AMER2: variants seen among roughly 807,000 people sequenced by gnomAD.
The protein encoded by AMER2 is family with sequence similarity 123A.
AMER2 carries 1 observed loss-of-function variant against 4.7 expected under a neutral mutation model. The observed-to-expected ratio is 0.21, with a 90% CI of 0.07 to 1.00. The LOEUF (loss-of-function observed/expected upper bound fraction) is 1.00. Ranked by LOEUF, AMER2 falls within the 50% of genes least tolerant of loss-of-function variation. The pLI, the probability that AMER2 is intolerant of heterozygous loss-of-function variation, is 0.60. For synonymous variants in AMER2, 485 were observed against 433.3 expected (o/e 1.12, Z -1.48); for missense variants, 988 against 966.9 (o/e 1.02, Z -0.29).
Position 25,170,784 on chromosome 13 carries a change from C to A in AMER2, c.836G>T (p.Arg279Leu), listed in dbSNP as rs1398815090. 2.9e-6 allele frequency: 4 copies of A among 1,359,270 alleles called. 1 individual carries two copies. The Admixed American group carries it at 1.5e-4, about 50-fold the overall frequency. 84.2% of individuals were successfully genotyped at this position (1,359,270 alleles called of 1,614,324 possible). A position where few individuals can be genotyped will look rare whatever the true frequency, so the allele number is the denominator to read the frequency against. Residue 279 changes from arginine to leucine, a missense_variant, in exon 1 of 1, where the codon CGG becomes CTG. Arg to Leu is a moderately radical substitution (Grantham distance 102). Transcript: ENST00000515384. This position sits in a 1 kb window ranked among gnomAD's most constrained non-coding sequence, Gnocchi z 7.3. ...VPAPADRAPA[R>L]SCREAEGLAH... The stretch of plus-strand genomic sequence containing the variant: ...GAGGCCCTCTGCCTCTCGGCAGCTC[C>A]GCGCTGGGGCGCGGTCGGCGGGGGC...
chr13:25,165,865 A>G lies in AMER2; in HGVS notation c.*3739T>C, dbSNP rs535394186. 9 of 152,368 alleles carry G rather than the reference A, an allele frequency of 5.9e-5. No homozygotes were observed. In the East Asian group the frequency reaches 1.2e-3, roughly 20 times the overall value. 9.4% of individuals were successfully genotyped at this position (152,368 alleles called of 1,614,324 possible). The stretch of plus-strand genomic sequence containing the variant: ...ATTCCGCCATGCGGACAGAGCCAAC[A>G]TGCTAGCGTCATGTGAAGTGTCCCG... On this transcript the variant is annotated 3_prime_UTR_variant, in exon 1 of 1. Transcript: ENST00000515384.
Position 25,170,960 on chromosome 13 carries a change from G to T in AMER2, c.660C>A (p.Pro220=). 6.5e-7 allele frequency: 1 copy of T among 1,538,914 alleles called. No individual in the cohort carries two copies. Among genetic ancestry groups the T allele is most frequent in the East Asian group, 2.7e-5 (1 of 37,514 alleles). ...AKAEAAEGRA[P]GGGLILPGSL... ...AGCCGGGTAGGATCAAGCCGCCCCC[G>T]GGCGCGCGCCCCTCCGCGGCCTCCG... The change falls in exon 1 of 1, where the codon CCC becomes CCA. Residue 220 remains proline (P), a synonymous_variant. Transcript: ENST00000515384. The surrounding 1 kb of genome is among the most constrained non-coding windows in gnomAD (Gnocchi z 7.3).
In AMER2 at chr13:25,170,432, A is replaced by G. The variant is rs987320722; in HGVS notation, c.1188T>C (p.Cys396=). 41 of 1,614,132 alleles carry G rather than the reference A, an allele frequency of 2.5e-5. No individual in the cohort carries two copies. Among genetic ancestry groups the G allele is most frequent in the Non-Finnish European group, 3.5e-5 (41 of 1,180,018 alleles). Reference sequence around the variant, plus strand: ...TGCCTGGCCCGGGGACATGCTTGTCACAGCTGGGACCTGCCTCTTCCTCTT... The same window carrying G: ...TGCCTGGCCCGGGGACATGCTTGTCGCAGCTGGGACCTGCCTCTTCCTCTT... ...ADQEEEAGPS[C]DKHVPGPGKP... The change falls in exon 1 of 1, where the codon TGT becomes TGC. Residue 396 remains cysteine, a synonymous_variant. Coordinates refer to ENST00000515384, the MANE Select transcript of AMER2 (RefSeq NM_152704.4). This position sits in a 1 kb window ranked among gnomAD's most constrained non-coding sequence, Gnocchi z 7.3.
In AMER2 at chr13:25,170,160, G is replaced by A; in HGVS notation, c.1460C>T (p.Ser487Leu). The A allele has an allele frequency of 6.2e-7, 1 of 1,613,902 alleles. No homozygotes were observed. Among genetic ancestry groups the A allele is most frequent in the Non-Finnish European group, 8.5e-7 (1 of 1,179,974 alleles). The change falls in exon 1 of 1, where the codon TCG (serine) becomes TTG (leucine). Residue 487 changes from serine (S) to leucine (L), a missense_variant. Coordinates refer to ENST00000515384, the MANE Select transcript of AMER2 (RefSeq NM_152704.4). This position sits in a 1 kb window ranked among gnomAD's most constrained non-coding sequence, Gnocchi z 7.3. Reference sequence around the variant, plus strand: ...CCGGTTGAGCCTCCTGCGCTTGACCGAGGACGCGTCCTTGGCCGCTTCCAC... The same window carrying A: ...CCGGTTGAGCCTCCTGCGCTTGACCAAGGACGCGTCCTTGGCCGCTTCCAC... ...RCVEAAKDAS[S>L]VKRRRLNRIP...
Position 25,169,367 on chromosome 13 carries a change from A to G in AMER2, c.*237T>C. The G allele has an allele frequency of 2.3e-6, 1 of 429,736 alleles. No homozygotes were observed. The highest frequency in any genetic ancestry group is 3.7e-5 in the East Asian group (1 of 27,088). The allele number at this position is 429,736 out of a possible 1,614,324, so 26.6% of individuals were successfully genotyped here. On this transcript the variant is annotated 3_prime_UTR_variant, in exon 1 of 1. Transcript: ENST00000515384. This position sits in a 1 kb window ranked among gnomAD's most constrained non-coding sequence, Gnocchi z 4.2. ...GTAAAAAAGAAAAAAGTGCTTGAAA[A>G]TAATTCTCAGGGACTTATCTTGAGA...
At position 25,167,735 on chromosome 13, in the gene AMER2, C is replaced by T. The variant is rs1435061176; in HGVS notation, c.*1869G>A. The T allele has an allele frequency of 2.0e-5, 3 of 152,190 alleles. No individual in the cohort carries two copies. In the East Asian group the frequency reaches 5.8e-4, roughly 29 times the overall value. The allele number at this position is 152,190 out of a possible 1,614,324, so 9.4% of individuals were successfully genotyped here. A position where few individuals can be genotyped will look rare whatever the true frequency, so the allele number is the denominator to read the frequency against. On this transcript the variant is annotated 3_prime_UTR_variant, in exon 1 of 1. Transcript: ENST00000515384. The stretch of plus-strand genomic sequence containing the variant: ...TTCAGCAAACCTCTCCTAATTGAAT[C>T]ACTGCAAATTTAAAATGGGGAATGG...
rs1956543196 is a variant in AMER2, at chr13:25,170,417, G to A, written c.1203C>T (p.Pro401=). The change falls in exon 1 of 1, where the codon CCC becomes CCT. Residue 401 remains proline, a synonymous_variant. Coordinates refer to ENST00000515384, the MANE Select transcript of AMER2 (RefSeq NM_152704.4). The surrounding 1 kb of genome is among the most constrained non-coding windows in gnomAD (Gnocchi z 7.3). The part of the protein sequence containing the change: ...EAGPSCDKHV[P]GPGKPALSKK... ...TAGACAGAGCCGGCTTGCCTGGCCCGGGGACATGCTTGTCACAGCTGGGAC... is the reference window on the plus strand; with the variant it reads ...TAGACAGAGCCGGCTTGCCTGGCCCAGGGACATGCTTGTCACAGCTGGGAC... 6.2e-7 allele frequency: 1 copy of A among 1,614,060 alleles called. No individual in the cohort carries two copies. The highest frequency in any genetic ancestry group is 8.5e-7 in the Non-Finnish European group (1 of 1,179,994).
In AMER2 at chr13:25,165,225, C is replaced by T. The variant is rs1956462468; in HGVS notation, c.*4379G>A. On this transcript the variant is annotated 3_prime_UTR_variant, in exon 1 of 1. Coordinates refer to ENST00000515384, the MANE Select transcript of AMER2 (RefSeq NM_152704.4). ...GGCTATTGTTGCAACAATCTGTCTC[C>T]TTAAACCTTATCACAGTGCAAGGCT... is the stretch of plus-strand genomic sequence containing the variant. The T allele has an allele frequency of 1.3e-5, 2 of 152,280 alleles. No individual in the cohort carries two copies. Among genetic ancestry groups the T allele is most frequent in the South Asian group, 4.1e-4 (2 of 4,828 alleles). 9.4% of individuals were successfully genotyped at this position (152,280 alleles called of 1,614,324 possible).
rs1231603152 is a variant in AMER2 at position 25,163,117 on chromosome 13, T to A, written c.*6487A>T. 6.6e-6 allele frequency: 1 copy of A among 152,188 alleles called. No individual in the cohort carries two copies. Among genetic ancestry groups the A allele is most frequent in the Non-Finnish European group, 1.5e-5 (1 of 68,022 alleles). The allele number at this position is 152,188 out of a possible 1,614,324, so 9.4% of individuals were successfully genotyped here. A position where few individuals can be genotyped will look rare whatever the true frequency, so the allele number is the denominator to read the frequency against. On this transcript the variant is annotated 3_prime_UTR_variant, in exon 1 of 1. Coordinates refer to ENST00000515384, the MANE Select transcript of AMER2 (RefSeq NM_152704.4). Reference sequence around the variant, plus strand: ...CTTATTTCTGAAGTTCAGAATTGCATGGAGGCAAGGGACAACTCATACAGC... The same window carrying A: ...CTTATTTCTGAAGTTCAGAATTGCAAGGAGGCAAGGGACAACTCATACAGC...
In AMER2 at chr13:25,171,622, A is replaced by G; in HGVS notation, c.-3T>C. 1.4e-6 allele frequency: 2 copies of G among 1,479,568 alleles called. No homozygotes were observed. Among genetic ancestry groups the G allele is most frequent in the Non-Finnish European group, 1.8e-6 (2 of 1,128,920 alleles). The allele number at this position is 1,479,568 out of a possible 1,614,324, so 91.7% of individuals were successfully genotyped here. On this transcript the variant is annotated 5_prime_UTR_variant, in exon 1 of 1. Coordinates refer to ENST00000515384, the MANE Select transcript of AMER2 (RefSeq NM_152704.4). The surrounding 1 kb of genome is among the most constrained non-coding windows in gnomAD (Gnocchi z 5.9). ...CCGCGGCTCCGGCTCGTCTCCATGG[A>G]AACCGCGCGGGATAAGCCGCTTTCG... is the stretch of plus-strand genomic sequence containing the variant.
At position 25,172,133 on chromosome 13, in the gene AMER2, C is replaced by G. The variant is rs1383970959; in HGVS notation, c.-514G>C. On this transcript the variant is annotated 5_prime_UTR_variant, in exon 1 of 1. Coordinates refer to ENST00000515384, the MANE Select transcript of AMER2 (RefSeq NM_152704.4). ...AGGCAGGAAGCATGTCTGCCTACAT[C>G]CATGTCTTGTCCAGAGCTGAGCACA... is the stretch of plus-strand genomic sequence containing the variant. 1 of 155,066 alleles carries G rather than the reference C, an allele frequency of 6.4e-6. No homozygotes were observed. Among genetic ancestry groups the G allele is most frequent in the East Asian group, 1.9e-4 (1 of 5,244 alleles). The allele number at this position is 155,066 out of a possible 1,614,324, so 9.6% of individuals were successfully genotyped here.
At position 25,171,554 on chromosome 13, in the gene AMER2, G is replaced by A. The variant is rs754601093; in HGVS notation, c.66C>T (p.Ser22=). The change falls in exon 1 of 1, where the codon TCC becomes TCT. Residue 22 remains serine (S), a synonymous_variant. Coordinates refer to ENST00000515384, the MANE Select transcript of AMER2 (RefSeq NM_152704.4). The surrounding 1 kb of genome is among the most constrained non-coding windows in gnomAD (Gnocchi z 5.9). ...CCGCCTTCCTCCTGCAGACCCCCACGGACGCGCCAGCTCCGCCGCGCTCGC... is the reference window on the plus strand; with the variant it reads ...CCGCCTTCCTCCTGCAGACCCCCACAGACGCGCCAGCTCCGCCGCGCTCGC... ...AVSERGGAGA[S]VGVCRRKAEA... is the part of the protein sequence containing the mutation. The A allele has an allele frequency of 1.3e-6, 2 of 1,573,932 alleles. No homozygotes were observed. The highest frequency in any genetic ancestry group is 1.7e-6 in the Non-Finnish European group (2 of 1,168,242).
chr13:25,168,704 ATGTTAACAGC>A lies in AMER2; in HGVS notation c.*890_*899del, dbSNP rs1235605544. ...TTCTATTGAATTGACTGATTACAAA[ATGTTAACAGC>A]TGGATAAACGGTAAAATATGCATTA... On this transcript the variant is annotated 3_prime_UTR_variant, in exon 1 of 1. Transcript: ENST00000515384. 3.9e-5 allele frequency: 6 copies of A among 152,680 alleles called. No homozygotes were observed. Among genetic ancestry groups the A allele is most frequent in the Admixed American group, 2.0e-4 (3 of 15,288 alleles). 9.5% of individuals were successfully genotyped at this position (152,680 alleles called of 1,614,324 possible).
rs1436115053 is a variant in AMER2, at chr13:25,165,123, C to G, written c.*4481G>C. 1 of 152,190 alleles carries G rather than the reference C, an allele frequency of 6.6e-6. No homozygotes were observed. The highest frequency in any genetic ancestry group is 1.5e-5 in the Non-Finnish European group (1 of 68,036). The allele number at this position is 152,190 out of a possible 1,614,324, so 9.4% of individuals were successfully genotyped here. The stretch of plus-strand genomic sequence containing the variant: ...TGCAGTTTGAGAAGGAACTCCTTTC[C>G]GTAATCACGAAACTATCATTCTGAA... On this transcript the variant is annotated 3_prime_UTR_variant, in exon 1 of 1. Coordinates refer to ENST00000515384, the MANE Select transcript of AMER2 (RefSeq NM_152704.4).
At position 25,162,478 on chromosome 13, in the gene AMER2, G is replaced by A. The variant is rs1956420169; in HGVS notation, c.*7126C>T. On this transcript the variant is annotated 3_prime_UTR_variant, in exon 1 of 1. Coordinates refer to ENST00000515384, the MANE Select transcript of AMER2 (RefSeq NM_152704.4). ...CAATGAAAATGTTAAATATTACTTTGCTAGAGTTTCTCCTCCTTTATTTAG... is the reference window on the plus strand; with the variant it reads ...CAATGAAAATGTTAAATATTACTTTACTAGAGTTTCTCCTCCTTTATTTAG... The A allele has an allele frequency of 6.6e-6, 1 of 152,190 alleles. No individual in the cohort carries two copies. Among genetic ancestry groups the A allele is most frequent in the Admixed American group, 6.5e-5 (1 of 15,276 alleles). 9.4% of individuals were successfully genotyped at this position (152,190 alleles called of 1,614,324 possible). A position where few individuals can be genotyped will look rare whatever the true frequency, so the allele number is the denominator to read the frequency against.
rs1198063538 is a variant in AMER2, at chr13:25,162,720, G to C, written c.*6884C>G. 6.6e-6 allele frequency: 1 copy of C among 152,200 alleles called. No individual in the cohort carries two copies. The highest frequency in any genetic ancestry group is 1.9e-4 in the East Asian group (1 of 5,198). The allele number at this position is 152,200 out of a possible 1,614,324, so 9.4% of individuals were successfully genotyped here. A position where few individuals can be genotyped will look rare whatever the true frequency, so the allele number is the denominator to read the frequency against. On this transcript the variant is annotated 3_prime_UTR_variant, in exon 1 of 1. Transcript: ENST00000515384. The stretch of plus-strand genomic sequence containing the variant: ...GAGAGTATCTGAGAAGGTATAGTAT[G>C]TCTCAGGTAACCAGAAACCTAAGCC...
At position 25,171,566 on chromosome 13, in the gene AMER2, TCCGCCGCGCTCGCTGACAGCCCCGCCG is replaced by T; in HGVS notation, c.27_53del (p.Gly10_Gly18del). Reference sequence around the variant, plus strand: ...TGCAGACCCCCACGGACGCGCCAGCTCCGCCGCGCTCGCTGACAGCCCCGCCGCCGCCGCGGCTCCGGCTCGTCTCCA... The same window carrying T: ...TGCAGACCCCCACGGACGCGCCAGCTCCGCCGCGGCTCCGGCTCGTCTCCA... On this transcript the variant is annotated inframe_deletion, in exon 1 of 1. Coordinates refer to ENST00000515384, the MANE Select transcript of AMER2 (RefSeq NM_152704.4). The surrounding 1 kb of genome is among the most constrained non-coding windows in gnomAD (Gnocchi z 5.9). 2 of 1,544,048 alleles carry T rather than the reference TCCGCCGCGCTCGCTGACAGCCCCGCCG, an allele frequency of 1.3e-6. No homozygotes were observed. The highest frequency in any genetic ancestry group is 1.7e-6 in the Non-Finnish European group (2 of 1,157,532).
Position 25,166,581 on chromosome 13 carries a change from A to G in AMER2, c.*3023T>C, listed in dbSNP as rs922539515. The G allele has an allele frequency of 6.6e-6, 1 of 152,240 alleles. No individual in the cohort carries two copies. Among genetic ancestry groups the G allele is most frequent in the Non-Finnish European group, 1.5e-5 (1 of 68,046 alleles). 9.4% of individuals were successfully genotyped at this position (152,240 alleles called of 1,614,324 possible). On this transcript the variant is annotated 3_prime_UTR_variant, in exon 1 of 1. Coordinates refer to ENST00000515384, the MANE Select transcript of AMER2 (RefSeq NM_152704.4). Reference sequence around the variant, plus strand: ...CCTGTCTAATTTGGGCAGCCTTTCAACTAAAGGAAGTCAATCAACCAAGTA... The same window carrying G: ...CCTGTCTAATTTGGGCAGCCTTTCAGCTAAAGGAAGTCAATCAACCAAGTA...
Position 25,171,651 on chromosome 13 carries a change from G to T in AMER2, c.-32C>A. ...CGCGCGGGATAAGCCGCTTTCGTCA[G>T]CAGTGGGCTCGCGCCAGGCCACTGT... is the stretch of plus-strand genomic sequence containing the variant. On this transcript the variant is annotated 5_prime_UTR_variant, in exon 1 of 1. It adds an upstream start codon to the 5' untranslated region. Coordinates refer to ENST00000515384, the MANE Select transcript of AMER2 (RefSeq NM_152704.4). The surrounding 1 kb of genome is among the most constrained non-coding windows in gnomAD (Gnocchi z 5.9). 3.5e-6 allele frequency: 5 copies of T among 1,446,964 alleles called. No individual in the cohort carries two copies. Among genetic ancestry groups the T allele is most frequent in the Non-Finnish European group, 4.5e-6 (5 of 1,111,722 alleles). 89.6% of individuals were successfully genotyped at this position (1,446,964 alleles called of 1,614,324 possible). A position where few individuals can be genotyped will look rare whatever the true frequency, so the allele number is the denominator to read the frequency against.
Sources: gnomAD v4.1 joint callset for allele counts on GRCh38, gnomAD v4.1.1 for gene constraint, Gnocchi (gnomAD v3.1) non-coding constraint, MANE v1.5 for transcripts, NCBI Gene and HGNC (gene_info 2026-07-23, HGNC 2026-07-21) for gene names.